The following KANSL3 variants were observed in gnomAD, a reference collection of about 807,000 sequenced individuals.
KANSL3 encodes the protein NSL complex protein NSL3.
Under a neutral mutation model 89.2 loss-of-function variants are expected in KANSL3, and 16 were observed. The observed-to-expected ratio is 0.18, with a 90% confidence interval of 0.12 to 0.27. The LOEUF is 0.27. KANSL3 is among the 10% of genes least tolerant of loss of function. The pLI, the probability that KANSL3 is intolerant of heterozygous loss-of-function variation, is 1.00. For missense variants in KANSL3, 879 were observed against 1,110.6 expected, an observed-to-expected ratio of 0.79 and a Z score of 2.96; for synonymous variants, 385 against 419.7, an observed-to-expected ratio of 0.92 and a Z score of 1.01.
At chr2:96,600,284 T>C (rs1192884940) in intron 20 of KANSL3, 1 of 305,708 alleles carries the variant, frequency 3.3e-6, no homozygotes, top group Non-Finnish European at 4.8e-6. Context: ...TATCAGGCTA[T>C]TAACAGTGAA....
Position 96,619,587 on chromosome 2 carries a change from G to C in KANSL3, c.478-43C>G, listed in dbSNP as rs372410622. ...AAGTAATAAAACATGAGGACTACCT[G>C]GTTAACAAGCAGGGGGACAAGTCAG... On this transcript the variant is annotated intron_variant, in intron 4 of 20. Coordinates refer to ENST00000431828, the MANE Select transcript of KANSL3 (RefSeq NM_001115016.3). The C allele has an allele frequency of 3.4e-4, 549 of 1,609,410 alleles. 4 individuals carry two copies. In the African/African-American group the frequency reaches 6.6e-3, roughly 19 times the overall value.
intron 15 of KANSL3, 69 bp downstream of exon 15, chr2:96,605,251 G>T: frequency 7.4e-7 from 1 of 1,342,472 alleles, no homozygotes; most frequent in Non-Finnish European, 1.0e-6. Context: ...CTGGTGAATG[G>T]CCACCAAAGG....
downstream of KANSL3, among the ~76,000 whole-genome samples, chr2:96,588,176 A>C (rs1289703328): frequency 6.6e-6 from 1 of 152,174 alleles, no homozygotes; most frequent in Non-Finnish European, 1.5e-5. Context: ...ACAGAAAAAA[A>C]AAACCAAAAT....
chr2:96,617,001 C>A (rs928689905), intron 5 of KANSL3, among the ~76,000 whole-genome samples: 2 of 152,210 alleles, frequency 1.3e-5, no homozygotes, highest in African/African-American at 4.8e-5. Flanking sequence ...CAACACTCAT[C>A]TCCTACAGTG....
rs368507889 is a variant in KANSL3, at chr2:96,602,266, G to A, written c.2332C>T (p.Arg778Cys). The change falls in exon 19 of 21, where the codon CGT becomes TGT. Residue 778 changes from arginine (R) to cysteine (C), a missense_variant. This residue lies in a region of KANSL3 where 89 missense variants were observed against 139.7 expected (regional missense o/e 0.64). Coordinates refer to ENST00000431828, the MANE Select transcript of KANSL3 (RefSeq NM_001115016.3). Reference protein sequence around the residue: ...AITTGTSTIVRTIPVATTLSS... With the variant: ...AITTGTSTIVCTIPVATTLSS... Reference sequence around the variant, plus strand: ...AGAGTGGTGGCCACAGGAATGGTACGGACAATGGTGCTGGTGCCCGTGGTG... The same window carrying A: ...AGAGTGGTGGCCACAGGAATGGTACAGACAATGGTGCTGGTGCCCGTGGTG... 6.2e-6 allele frequency: 10 copies of A among 1,612,432 alleles called. No individual in the cohort carries two copies. The highest frequency in any genetic ancestry group is 1.3e-5 in the African/African-American group (1 of 74,892).
chr2:96,618,683 T>A (rs187830812), intron 5 of KANSL3, among the ~76,000 whole-genome samples: 1 of 152,356 alleles, frequency 6.6e-6, no homozygotes, highest in South Asian at 2.1e-4. Context: ...TAGCTATTAT[T>A]ATCAGCCACA....
intron 14 of KANSL3, chr2:96,606,917 GGGTTGA>G: frequency 1.0e-6 from 1 of 982,930 alleles, no homozygotes; most frequent in Admixed American, 2.3e-5. Flanking sequence ...AATAAATAAG[GGGTTGA>G]GGAGCAGAAT....
chr2:96,602,547 G>T (rs2067335323), intron 18 of KANSL3, among the ~76,000 whole-genome samples: 1 of 152,122 alleles, frequency 6.6e-6, no homozygotes, highest in Admixed American at 6.5e-5. Flanking sequence ...TATAGACAAA[G>T]AAACAAAAAC....
intron 5 of KANSL3, chr2:96,615,409 A>G (rs571655129): frequency 1.5e-6 from 1 of 675,066 alleles, no homozygotes; most frequent in East Asian, 6.6e-5. Context: ...AGTGTACTTT[A>G]TCTCATGTCT....
At chr2:96,607,112 A>G in intron 14 of KANSL3, 1 of 1,064,080 alleles carries the variant, frequency 9.4e-7, no homozygotes, top group Non-Finnish European at 1.3e-6. Flanking sequence ...AAGAGAGGGA[A>G]TAAGAAAAAA....
intron 3 of KANSL3, among the ~76,000 whole-genome samples, chr2:96,628,819 A>T (rs751027861): frequency 3.9e-5 from 6 of 152,112 alleles, no homozygotes; most frequent in Non-Finnish European, 2.9e-5. Flanking sequence ...CTGAAATTGC[A>T]AAGGACAAGG....
chr2:96,618,307 A>T (rs2070604409), intron 5 of KANSL3, among the ~76,000 whole-genome samples: 1 of 152,066 alleles, frequency 6.6e-6, no homozygotes, highest in Non-Finnish European at 1.5e-5. Flanking sequence ...TCCTCCCACC[A>T]GCCTCCTAAC....
At position 96,608,532 on chromosome 2, in the gene KANSL3, C is replaced by T; in HGVS notation, c.1717G>A (p.Val573Met). ...CCTTGAGCTTGTTTGTGGGTCAGCA[C>T]AGCTTCTGTCCGCTGCACATGTCTC... is the stretch of plus-strand genomic sequence containing the variant. ...LKRHVQRTEA[V>M]LTHKQAQVPI... The change falls in exon 14 of 21, where the codon GTG becomes ATG. Residue 573 changes from valine (V) to methionine (M), a missense_variant. This residue lies in a region of KANSL3 where 317 missense variants were observed against 311.2 expected (regional missense o/e 1.02). Transcript: ENST00000431828. The T allele has an allele frequency of 6.2e-6, 10 of 1,614,034 alleles. No homozygotes were observed. The highest frequency in any genetic ancestry group is 7.6e-6 in the Non-Finnish European group (9 of 1,179,900).
chr2:96,600,478 G>T, intron 20 of KANSL3: 1 of 985,328 alleles, frequency 1.0e-6, no homozygotes, highest in Non-Finnish European at 1.2e-6. Flanking sequence ...CGAATGTCAG[G>T]TGTTGACCTC....
At chr2:96,601,915 A>G in intron 19 of KANSL3, 139 bp from the exon 20 acceptor site, 1 of 1,345,476 alleles carries the variant, frequency 7.4e-7, no homozygotes, top group Non-Finnish European at 9.9e-7. Context: ...ATGCCCTATC[A>G]GTCAATCTGA....
Position 96,607,585 on chromosome 2 carries a change from G to A in KANSL3, c.1741+923C>T, listed in dbSNP as rs536401044. ...TGAAGATCCATGGCAGAGCATCCGC[G>A]CAGACCCTTGGGGCCTGGCCTCATT... On this transcript the variant is annotated intron_variant, in intron 14 of 20. Transcript: ENST00000431828. 6.6e-5 allele frequency among the ~76,000 whole-genome samples: 10 copies of A among 152,262 alleles called. 1 individual carries two copies. The South Asian group carries it at 1.9e-3, about 28-fold the overall frequency.
chr2:96,626,295 C>A, intron 3 of KANSL3, among the ~76,000 whole-genome samples: 1 of 138,584 alleles, frequency 7.2e-6, no homozygotes, highest in African/African-American at 2.7e-5. Context: ...TTTCCTTTTT[C>A]AGATTATAAA....
intron 3 of KANSL3, among the ~76,000 whole-genome samples, chr2:96,623,398 C>T (rs1431881807): frequency 6.6e-6 from 1 of 152,150 alleles, no homozygotes; most frequent in Non-Finnish European, 1.5e-5. Context: ...TCCATCATAT[C>T]CCACCCCACA....
chr2:96,620,154 T>G (rs746150786), intron 3 of KANSL3, among the ~76,000 whole-genome samples: 8 of 152,188 alleles, frequency 5.3e-5, no homozygotes, highest in Non-Finnish European at 1.0e-4. Flanking sequence ...AGTTTTATAT[T>G]TCACACAAAA....
Sources: allele counts gnomAD v4.1 joint callset (sites outside exome capture counted in the v4.1 genomes callset), GRCh38; gene constraint gnomAD v4.1.1; regional missense constraint gnomAD v4.1.1; transcripts MANE v1.5; gene names NCBI Gene and HGNC (gene_info 2026-07-23, HGNC 2026-07-21).